Variants in SLC16A1 observed in about 807,000 individuals in gnomAD.
SLC16A1 encodes the protein monocarboxylate transporter 1.
SLC16A1 carries 11 observed loss-of-function variants against 32.2 expected under a neutral mutation model. The ratio of observed to expected loss-of-function variants is 0.34; its 90% CI spans 0.21 to 0.56. The LOEUF is 0.56. Among genes scored for constraint, SLC16A1 ranks in the 20% least tolerant of loss-of-function variants. The pLI, the probability that SLC16A1 is intolerant of heterozygous loss-of-function variation, is 0.87. For synonymous variants in SLC16A1, 231 were observed against 226.8 expected (o/e 1.02, Z -0.17); for missense variants, 435 against 615.0 (o/e 0.71, Z 3.10).
At chr1:112,950,298 A>G (rs1450841372) in intron 1 of SLC16A1, among the ~76,000 whole-genome samples, 4 of 152,358 alleles carry the variant, frequency 2.6e-5, no homozygotes, top group South Asian at 2.1e-4. Flanking sequence ...CCAAAACTCA[A>G]TAAGACAAAT....
Position 112,913,966 on chromosome 1 carries a change from T to C in SLC16A1, c.1428A>G (p.Glu476=). Residue 476 remains glutamate, a synonymous_variant, in exon 5 of 5, where the codon GAA becomes GAG. Transcript: ENST00000369626. The part of the protein sequence containing the change: ...TSIDVAGKPN[E]VTKAAESPDQ... ...CCGGAGATTCTGCTGCTTTGGTAAC[T>C]TCATTTGGCTTCCCAGCAACATCTA... The C allele has an allele frequency of 6.2e-7, 1 of 1,614,208 alleles. No homozygotes were observed. The highest frequency in any genetic ancestry group is 1.1e-5 in the South Asian group (1 of 91,086).
At chr1:112,939,278 A>C (rs537987611) in intron 1 of SLC16A1, among the ~76,000 whole-genome samples, 1 of 152,298 alleles carries the variant, frequency 6.6e-6, no homozygotes, top group African/African-American at 2.4e-5. Context: ...ACACTGTTGG[A>C]GGGAATATAA....
chr1:112,915,225 C>T (rs1648459606), intron 4 of SLC16A1, among the ~76,000 whole-genome samples: 1 of 152,228 alleles, frequency 6.6e-6, no homozygotes, highest in East Asian at 1.9e-4. Flanking sequence ...ACAAGTACTA[C>T]CAGGAGAGTT....
chr1:112,916,519 A>C (rs1648518219), intron 4 of SLC16A1, among the ~76,000 whole-genome samples: 1 of 151,428 alleles, frequency 6.6e-6, no homozygotes, highest in African/African-American at 2.4e-5. Flanking sequence ...AAAAAAAAAA[A>C]AAACTTATGT....
intron 3 of SLC16A1, among the ~76,000 whole-genome samples, chr1:112,919,552 G>A (rs1283414059): frequency 6.6e-6 from 1 of 152,126 alleles, no homozygotes; most frequent in African/African-American, 2.4e-5. Flanking sequence ...TCAGGAACCA[G>A]TAAAAATTCG....
At chr1:112,915,437 T>A (rs1441108996) in intron 4 of SLC16A1, among the ~76,000 whole-genome samples, 1 of 151,974 alleles carries the variant, frequency 6.6e-6, no homozygotes, top group Admixed American at 6.6e-5. Flanking sequence ...AGGAGGCCAG[T>A]GGTAGAAATG....
intron 2 of SLC16A1, chr1:112,924,323 A>C: frequency 7.4e-7 from 1 of 1,355,758 alleles, no homozygotes; most frequent in Non-Finnish European, 1.1e-6. Flanking sequence ...TTGCTCACGA[A>C]TGTCCCAACT....
chr1:112,918,708 CT>C (rs1557844701), intron 3 of SLC16A1, among the ~76,000 whole-genome samples: 2 of 152,138 alleles, frequency 1.3e-5, no homozygotes, highest in Non-Finnish European at 2.9e-5. Flanking sequence ...GCGGCTAAAG[CT>C]GGAGTATCAC....
At chr1:112,940,639 T>C (rs1259994167) in intron 1 of SLC16A1, among the ~76,000 whole-genome samples, 1 of 152,156 alleles carries the variant, frequency 6.6e-6, no homozygotes, top group Non-Finnish European at 1.5e-5. Context: ...GATATATATG[T>C]ATACTGGAAA....
chr1:112,921,421 G>A (rs1202731964), intron 3 of SLC16A1, among the ~76,000 whole-genome samples: 1 of 151,894 alleles, frequency 6.6e-6, no homozygotes, highest in African/African-American at 2.4e-5. Flanking sequence ...ACTTAATACT[G>A]ACAAAAATCT....
chr1:112,919,314 G>GT (rs1257115836), intron 3 of SLC16A1, among the ~76,000 whole-genome samples: 1 of 152,116 alleles, frequency 6.6e-6, no homozygotes, highest in East Asian at 1.9e-4. Context: ...GATTACAGGC[G>GT]TAAGCCACCG....
intron 4 of SLC16A1, chr1:112,916,973 C>T (rs1648533942): frequency 1.5e-6 from 1 of 684,450 alleles, no homozygotes; most frequent in Non-Finnish European, 2.5e-6. Flanking sequence ...TATTTGATCC[C>T]CCTTTTGCCT....
chr1:112,928,085 T>C (rs1022578217), intron 2 of SLC16A1, among the ~76,000 whole-genome samples: 1 of 152,180 alleles, frequency 6.6e-6, no homozygotes, highest in African/African-American at 2.4e-5. Flanking sequence ...GTTCTTTAAT[T>C]TGATAGACAA....
chr1:112,944,631 T>C (rs1015429313), intron 1 of SLC16A1, among the ~76,000 whole-genome samples: 1 of 152,258 alleles, frequency 6.6e-6, no homozygotes, highest in Non-Finnish European at 1.5e-5. Context: ...GTCATGCATA[T>C]GAATAAACAT....
At chr1:112,938,162 AAAG>A (rs1649374283) in intron 1 of SLC16A1, among the ~76,000 whole-genome samples, 1 of 152,220 alleles carries the variant, frequency 6.6e-6, no homozygotes, top group African/African-American at 2.4e-5. Context: ...TGTGAACTTA[AAAG>A]AAGCAGAAAG....
At chr1:112,916,655 GC>G in intron 4 of SLC16A1, among the ~76,000 whole-genome samples, 1 of 151,992 alleles carries the variant, frequency 6.6e-6, no homozygotes, top group South Asian at 2.1e-4. Context: ...TTTAGGCCAG[GC>G]ACAGTGGCTC....
At chr1:112,948,151 C>T (rs974436263) in intron 1 of SLC16A1, among the ~76,000 whole-genome samples, 4 of 151,770 alleles carry the variant, frequency 2.6e-5, no homozygotes, top group Non-Finnish European at 5.9e-5. Flanking sequence ...ACCCAGGAGG[C>T]GGAGGTTGCA....
rs757930967 is a variant in SLC16A1 at position 112,914,080 on chromosome 1, G to C, written c.1314C>G (p.Phe438Leu). 6.2e-7 allele frequency: 1 copy of C among 1,614,080 alleles called. No homozygotes were observed. The highest frequency in any genetic ancestry group is 8.5e-7 in the Non-Finnish European group (1 of 1,180,038). Reference protein sequence around the residue: ...VVLIISGIYLFIGMGINYRLL... With the variant: ...VVLIISGIYLLIGMGINYRLL... ...GTCGATAATTGATGCCCATGCCAAT[G>C]AAGAGATAGATACCTGAAATAATTA... The change falls in exon 5 of 5, where the codon TTC becomes TTG. Residue 438 changes from phenylalanine to leucine, a missense_variant. This residue lies in a region of SLC16A1 where 111 missense variants were observed against 114.7 expected (regional missense o/e 0.97). Coordinates refer to ENST00000369626, the MANE Select transcript of SLC16A1 (RefSeq NM_003051.4).
rs542159538 is a variant in SLC16A1, at chr1:112,930,604, C to T, written c.-44-1252G>A. Among the ~76,000 whole-genome samples the T allele has an allele frequency of 4.6e-5, 7 of 152,140 alleles. 1 individual carries two copies. The South Asian group carries it at 1.5e-3, about 32-fold the overall frequency. On this transcript the variant is annotated intron_variant, in intron 1 of 4. Transcript: ENST00000369626. Reference sequence around the variant, plus strand: ...TTAAGAAATCATAATTGAAATAAATCCCTTTCAATAAATCAGTTAACATCA... The same window carrying T: ...TTAAGAAATCATAATTGAAATAAATTCCTTTCAATAAATCAGTTAACATCA...
Sources: gnomAD v4.1 joint callset for allele counts (sites outside exome capture counted in the v4.1 genomes callset) on GRCh38, gnomAD v4.1.1 for gene constraint, gnomAD v4.1.1 regional missense constraint, MANE v1.5 for transcripts, NCBI Gene and HGNC (gene_info 2026-07-23, HGNC 2026-07-21) for gene names.